The following SKA2 variants were observed in gnomAD, a reference collection of about 807,000 sequenced individuals.
SKA2 encodes the protein spindle and kinetochore-associated protein 2.
In SKA2, 13 loss-of-function variants were observed where a neutral mutation model predicts 16.9. The ratio of observed to expected loss-of-function variants is 0.77; its 90% CI spans 0.50 to 1.22. SKA2 has a LOEUF of 1.22. Ranked by LOEUF, SKA2 falls within the 50% of genes most tolerant of loss-of-function variation. SKA2 has a pLI of 0.00. For missense variants in SKA2, 107 were observed against 139.7 expected (o/e 0.77, Z 1.18); for synonymous variants, 47 against 48.5 (o/e 0.97, Z 0.13).
chr17:59,121,748 A>G (rs2046335542), intron 2 of SKA2, among the ~76,000 whole-genome samples: 1 of 142,594 alleles, frequency 7.0e-6, no homozygotes, highest in South Asian at 2.2e-4. Context: ...CAGGAGTTCG[A>G]GACCAGCCTG....
rs2046264468 is a variant in SKA2, at chr17:59,111,625, C to G, written c.*652G>C. Reference sequence around the variant, plus strand: ...GGAAAACAAAGATATTATTGAGATACAACAGGGACAGTCTAAAACAGCATC... The same window carrying G: ...GGAAAACAAAGATATTATTGAGATAGAACAGGGACAGTCTAAAACAGCATC... On this transcript the variant is annotated 3_prime_UTR_variant, in exon 4 of 4. Transcript: ENST00000330137. 1 of 152,088 alleles carries G rather than the reference C, an allele frequency of 6.6e-6. No homozygotes were observed. The highest frequency in any genetic ancestry group is 6.6e-5 in the Admixed American group (1 of 15,258). The allele number at this position is 152,088 out of a possible 1,614,324, so 9.4% of individuals were successfully genotyped here. A position where few individuals can be genotyped will look rare whatever the true frequency, so the allele number is the denominator to read the frequency against.
At chr17:59,151,787 C>G (rs2046579388) in intron 1 of SKA2, 1 of 153,522 alleles carries the variant, frequency 6.5e-6, no homozygotes, top group African/African-American at 2.4e-5. Flanking sequence ...AGCTTTTTAT[C>G]TTGAGTTTAC....
At chr17:59,150,256 G>A (rs536309931) in intron 1 of SKA2, among the ~76,000 whole-genome samples, 27 of 152,292 alleles carry the variant, frequency 1.8e-4, no homozygotes, top group African/African-American at 5.3e-4. Flanking sequence ...AACACAGCAA[G>A]ACTTCGGCTT....
At chr17:59,139,923 A>T (rs1330320211) in intron 1 of SKA2, among the ~76,000 whole-genome samples, 2 of 152,146 alleles carry the variant, frequency 1.3e-5, no homozygotes, top group African/African-American at 4.8e-5. Context: ...AGAACAAACC[A>T]CCTGGGAACC....
intron 3 of SKA2, among the ~76,000 whole-genome samples, chr17:59,119,064 A>G (rs1335138251): frequency 6.6e-6 from 1 of 152,192 alleles, no homozygotes; most frequent in Non-Finnish European, 1.5e-5. Flanking sequence ...GCTAGATTTT[A>G]TAAGTATTAC....
intron 3 of SKA2, chr17:59,118,192 G>C: frequency 1.3e-5 from 2 of 152,320 alleles, no homozygotes; most frequent in Non-Finnish European, 1.5e-5. Flanking sequence ...CTTGAACCCA[G>C]GAGGTGGAGG....
intron 1 of SKA2, among the ~76,000 whole-genome samples, chr17:59,147,422 A>G (rs2046542459): frequency 6.7e-6 from 1 of 150,312 alleles, no homozygotes; most frequent in Non-Finnish European, 1.5e-5. Flanking sequence ...ATTTGGAATA[A>G]AATGGCTTTA....
chr17:59,154,986 G>A, intron 1 of SKA2, 145 bp downstream of exon 1: 1 of 1,613,986 alleles, frequency 6.2e-7, no homozygotes, highest in Non-Finnish European at 8.5e-7. Flanking sequence ...GACGGTGGCG[G>A]CTCCCTTTGG....
chr17:59,137,570 C>G (rs1172724923), intron 1 of SKA2, among the ~76,000 whole-genome samples: 1 of 152,126 alleles, frequency 6.6e-6, no homozygotes, highest in Non-Finnish European at 1.5e-5. Context: ...AGATCCTTTT[C>G]AATACTAAAA....
At position 59,119,487 on chromosome 17, in the gene SKA2, T is replaced by C; in HGVS notation, c.129A>G (p.Pro43=). The part of the protein sequence containing the change: ...NHPDSASEKN[P]VTLLKELSVI... ...CTGACAATTCCTTTAAGAGTGTAACTGGATTTTTCTATGTCAGGAAAAAAG... is the reference window on the plus strand; with the variant it reads ...CTGACAATTCCTTTAAGAGTGTAACCGGATTTTTCTATGTCAGGAAAAAAG... The change falls in exon 3 of 4, where the codon CCA becomes CCG. Residue 43 remains proline (P), a synonymous_variant. Transcript: ENST00000330137. The C allele has an allele frequency of 6.2e-7, 1 of 1,612,288 alleles. No individual in the cohort carries two copies. Among genetic ancestry groups the C allele is most frequent in the South Asian group, 1.1e-5 (1 of 90,306 alleles).
intron 1 of SKA2, among the ~76,000 whole-genome samples, chr17:59,145,678 T>C (rs188647795): frequency 6.6e-6 from 1 of 152,272 alleles, no homozygotes; most frequent in South Asian, 2.1e-4. Flanking sequence ...TAGCCTCTGT[T>C]ACTAGCCCGA....
intron 2 of SKA2, among the ~76,000 whole-genome samples, chr17:59,130,721 G>A (rs2046406576): frequency 6.6e-6 from 1 of 151,908 alleles, no homozygotes; most frequent in South Asian, 2.1e-4. Context: ...TAGTGTTAAT[G>A]TTAACAGACG....
At chr17:59,144,129 G>A (rs2147817238) in intron 1 of SKA2, among the ~76,000 whole-genome samples, 1 of 152,096 alleles carries the variant, frequency 6.6e-6, no homozygotes, top group East Asian at 1.9e-4. Flanking sequence ...AGAGGCCGAG[G>A]TTGCAGTAAG....
At chr17:59,117,485 C>G (rs565976022) in intron 3 of SKA2, among the ~76,000 whole-genome samples, 1 of 152,298 alleles carries the variant, frequency 6.6e-6, no homozygotes, top group African/African-American at 2.4e-5. Context: ...CAGCCTCAAA[C>G]TTCTGGGGTC....
intron 1 of SKA2, among the ~76,000 whole-genome samples, chr17:59,134,913 C>T (rs2046433881): frequency 6.6e-6 from 1 of 152,082 alleles, no homozygotes; most frequent in Non-Finnish European, 1.5e-5. Flanking sequence ...CGGCTCACTA[C>T]AGCCCCAACC....
At chr17:59,145,098 G>A (rs1265533272) in intron 1 of SKA2, among the ~76,000 whole-genome samples, 3 of 152,072 alleles carry the variant, frequency 2.0e-5, no homozygotes, top group African/African-American at 7.2e-5. Flanking sequence ...ATGCCCAGTT[G>A]AGAGTTTCAG....
chr17:59,145,387 A>C (rs899921598), intron 1 of SKA2, among the ~76,000 whole-genome samples: 2 of 151,920 alleles, frequency 1.3e-5, no homozygotes, highest in African/African-American at 4.8e-5. Flanking sequence ...TACAATAAAC[A>C]CTCATCTCTG....
At chr17:59,144,924 G>A (rs1046976231) in intron 1 of SKA2, among the ~76,000 whole-genome samples, 1 of 152,134 alleles carries the variant, frequency 6.6e-6, no homozygotes, top group Non-Finnish European at 1.5e-5. Flanking sequence ...AGTCTCCCGA[G>A]TAGTTGGGAT....
chr17:59,136,709 C>T (rs1446184720), intron 1 of SKA2, among the ~76,000 whole-genome samples: 1 of 151,852 alleles, frequency 6.6e-6, no homozygotes, highest in East Asian at 2.0e-4. Flanking sequence ...CCACCATACC[C>T]AGCTAAGTTT....
Sources: gnomAD v4.1 joint callset for allele counts (sites outside exome capture counted in the v4.1 genomes callset) on GRCh38, gnomAD v4.1.1 for gene constraint, MANE v1.5 for transcripts, NCBI Gene and HGNC (gene_info 2026-07-23, HGNC 2026-07-21) for gene names.